Variants in HIVEP1 observed in about 807,000 individuals in gnomAD.
HIVEP1 encodes the protein HIVEP zinc finger 1.
In HIVEP1, 36 loss-of-function variants were observed where a neutral mutation model predicts 180.0. The observed-to-expected ratio is 0.20, with a 90% CI of 0.15 to 0.26. The LOEUF is 0.26. Among genes scored for constraint, HIVEP1 ranks in the 10% least tolerant of loss-of-function variants. The pLI is 1.00. For synonymous variants in HIVEP1, 1,239 were observed against 1,239.0 expected (o/e 1.00, Z 0.00); for missense variants, 3,143 against 3,268.7 (o/e 0.96, Z 0.94).
chr6:12,163,316 G>T lies in HIVEP1; in HGVS notation c.7012G>T (p.Ala2338Ser). 2 of 1,614,122 alleles carry T rather than the reference G, an allele frequency of 1.2e-6. No homozygotes were observed. The highest frequency in any genetic ancestry group is 2.2e-5 in the South Asian group (2 of 91,072). Residue 2338 changes from alanine (A) to serine (S), a missense_variant, in exon 9 of 9, where the codon GCT (alanine) becomes TCT (serine). Around this residue, in one of 12 missense-constraint regions of HIVEP1, gnomAD observed 595 missense variants for 602.2 expected, o/e 0.99. Transcript: ENST00000379388. ...PSSVRLPPAA[A>S]EHSPQTAAGM... ...ATCTGTAAGACTTCCTCCTGCTGCA[G>T]CTGAGCACAGCCCCCAGACAGCAGC...
chr6:12,132,128 GT>G (rs1561984881), intron 6 of HIVEP1, among the ~76,000 whole-genome samples: 1 of 152,274 alleles, frequency 6.6e-6, no homozygotes, highest in Non-Finnish European at 1.5e-5. Flanking sequence ...TCAGGATGCA[GT>G]TTTTTAATTG....
At chr6:12,167,675 T>TAC (rs1760754423), downstream of HIVEP1, among the ~76,000 whole-genome samples, 1 of 21,500 alleles carries the variant, frequency 4.7e-5, no homozygotes, top group Non-Finnish European at 8.8e-5. Context: ...CATATATACA[T>TAC]ATATGTGTAT....
At chr6:12,134,448 T>C (rs1758596943) in intron 6 of HIVEP1, among the ~76,000 whole-genome samples, 2 of 152,308 alleles carry the variant, frequency 1.3e-5, no homozygotes. Context: ...TGTACAGGGA[T>C]GACCAGTTTC....
chr6:12,069,693 G>A (rs1438699083), intron 2 of HIVEP1, among the ~76,000 whole-genome samples: 1 of 151,542 alleles, frequency 6.6e-6, no homozygotes, highest in East Asian at 1.9e-4. Context: ...TGCACATTGT[G>A]CACATGTACC....
intron 8 of HIVEP1, among the ~76,000 whole-genome samples, 192 bp downstream of exon 8, chr6:12,162,121 A>C (rs1383059603): frequency 6.6e-6 from 1 of 151,812 alleles, no homozygotes; most frequent in Non-Finnish European, 1.5e-5. Context: ...TGAGTATCTT[A>C]AGCAGTTCAG....
chr6:12,065,013 A>G (rs1409067154), intron 2 of HIVEP1, among the ~76,000 whole-genome samples: 1 of 152,224 alleles, frequency 6.6e-6, no homozygotes, highest in Non-Finnish European at 1.5e-5. Flanking sequence ...AACATCTCAG[A>G]TGGAAAAGAG....
chr6:12,161,676 A>G lies in HIVEP1; in HGVS notation c.6725A>G (p.His2242Arg). ...VRITDCFSGV[H>R]TDPMDVLPRA... Reference sequence around the variant, plus strand: ...ATCACCGATTGCTTTTCTGGGGTACACACGGACCCAATGGACGTTCTGCCC... The same window carrying G: ...ATCACCGATTGCTTTTCTGGGGTACGCACGGACCCAATGGACGTTCTGCCC... Residue 2242 changes from histidine (H) to arginine (R), a missense_variant, in exon 8 of 9, where the codon CAC becomes CGC. Physicochemically the swap from His to Arg is conservative, Grantham distance 29 (BLOSUM62 0). Coordinates refer to ENST00000379388, the MANE Select transcript of HIVEP1 (RefSeq NM_002114.4). The G allele has an allele frequency of 1.2e-6, 2 of 1,614,188 alleles. No homozygotes were observed. The highest frequency in any genetic ancestry group is 1.1e-5 in the South Asian group (1 of 91,078).
At chr6:12,175,728 GTCT>G in the HIVEP1 span, among the ~76,000 whole-genome samples, 16 of 152,346 alleles carry the variant, frequency 1.1e-4, 2 homozygotes, top group East Asian at 2.7e-3. Context: ...CTTATGTGAA[GTCT>G]TCTTTCTAAA....
At chr6:12,012,619 C>CG (rs1767425936) in intron 1 of HIVEP1, 53 bp downstream of exon 1, 1 of 4,304 alleles carries the variant, frequency 2.3e-4, no homozygotes, top group African/African-American at 1.6e-3. Context: ...GGCGGCGGGG[C>CG]GGAGGGGGGG....
At chr6:12,106,914 C>T (rs1397541125) in intron 3 of HIVEP1, among the ~76,000 whole-genome samples, 2 of 152,314 alleles carry the variant, frequency 1.3e-5, no homozygotes, top group Non-Finnish European at 1.5e-5. Flanking sequence ...TCTCTTGTGA[C>T]TTTCTGTTTG....
the HIVEP1 span, among the ~76,000 whole-genome samples, chr6:12,187,616 G>T: frequency 1.3e-5 from 2 of 148,294 alleles, no homozygotes; most frequent in Non-Finnish European, 3.0e-5. Context: ...TTTTTTAAAC[G>T]GAGTCTCACT....
intron 2 of HIVEP1, among the ~76,000 whole-genome samples, chr6:12,029,903 C>T (rs916461804): frequency 6.6e-6 from 1 of 152,170 alleles, no homozygotes; most frequent in Non-Finnish European, 1.5e-5. Flanking sequence ...TCCTCTTCTT[C>T]TATGGATTCA....
At chr6:12,062,400 T>C (rs1251661633) in intron 2 of HIVEP1, among the ~76,000 whole-genome samples, 1 of 152,186 alleles carries the variant, frequency 6.6e-6, no homozygotes, top group African/African-American at 2.4e-5. Flanking sequence ...TTTAAATGTA[T>C]AAACATTTAT....
chr6:12,015,012 C>T (rs933754850), intron 1 of HIVEP1, among the ~76,000 whole-genome samples: 3 of 152,210 alleles, frequency 2.0e-5, no homozygotes, highest in Admixed American at 6.5e-5. Flanking sequence ...GTCTCATCCG[C>T]TCACAGGTCG....
At chr6:12,109,066 G>A (rs575319227) in intron 3 of HIVEP1, among the ~76,000 whole-genome samples, 1 of 152,176 alleles carries the variant, frequency 6.6e-6, no homozygotes, top group Non-Finnish European at 1.5e-5. Flanking sequence ...TGCAAGCTCC[G>A]CCTCCCAGGT....
At chr6:12,143,334 A>C (rs1022689151) in intron 7 of HIVEP1, among the ~76,000 whole-genome samples, 2 of 152,248 alleles carry the variant, frequency 1.3e-5, no homozygotes, top group African/African-American at 4.8e-5. Flanking sequence ...AAAATTCAAT[A>C]GCCCTTCATG....
chr6:12,048,981 A>C (rs981052298), intron 2 of HIVEP1, among the ~76,000 whole-genome samples: 1 of 152,190 alleles, frequency 6.6e-6, no homozygotes, highest in African/African-American at 2.4e-5. Flanking sequence ...ATAGTTACTC[A>C]TTGGGCATTA....
chr6:12,158,674 A>G (rs1733897876), intron 7 of HIVEP1, among the ~76,000 whole-genome samples: 1 of 151,426 alleles, frequency 6.6e-6, no homozygotes, highest in Non-Finnish European at 1.5e-5. Flanking sequence ...GTGTTGTGGG[A>G]GTTTCTGTGT....
chr6:12,098,062 T>A (rs1338899322), intron 3 of HIVEP1, among the ~76,000 whole-genome samples: 2 of 152,194 alleles, frequency 1.3e-5, no homozygotes, highest in African/African-American at 4.8e-5. Flanking sequence ...CAAAATGCTA[T>A]TGATTGCAAG....
Sources: gnomAD v4.1 joint callset for allele counts (sites outside exome capture counted in the v4.1 genomes callset) on GRCh38, gnomAD v4.1.1 for gene constraint, gnomAD v4.1.1 regional missense constraint, MANE v1.5 for transcripts, NCBI Gene and HGNC (gene_info 2026-07-23, HGNC 2026-07-21) for gene names.